Variants in LARP4B observed in about 807,000 individuals in gnomAD.
LARP4B encodes the protein la-related protein 4B.
LARP4B carries 12 observed loss-of-function variants against 89.8 expected under a neutral mutation model. That is an observed-to-expected ratio of 0.13 (90% CI 0.09 to 0.22). LARP4B has a LOEUF of 0.22. Ranked by LOEUF, LARP4B falls within the 10% of genes least tolerant of loss-of-function variation. The pLI is 1.00. For missense variants in LARP4B, 757 were observed against 947.7 expected, an observed-to-expected ratio of 0.80 and a Z score of 2.64; for synonymous variants, 367 against 363.3, an observed-to-expected ratio of 1.01 and a Z score of -0.12.
chr10:916,513 C>T (rs752089609), intron 1 of LARP4B, among the ~76,000 whole-genome samples: 15 of 152,120 alleles, frequency 9.9e-5, no homozygotes, highest in East Asian at 1.9e-4. Context: ...CTGACCAACA[C>T]GGAGAAACCC....
chr10:835,959 A>G (rs1347929139), intron 8 of LARP4B, among the ~76,000 whole-genome samples: 1 of 152,052 alleles, frequency 6.6e-6, no homozygotes, highest in African/African-American at 2.4e-5. Context: ...TTACTCCCCA[A>G]GTTACCAGTT....
intron 5 of LARP4B, among the ~76,000 whole-genome samples, chr10:852,521 T>A (rs1194126772): frequency 6.6e-6 from 1 of 152,218 alleles, no homozygotes; most frequent in African/African-American, 2.4e-5. Context: ...CCACTAACGT[T>A]ATACTTCATG....
intron 1 of LARP4B, among the ~76,000 whole-genome samples, chr10:906,208 A>G (rs1380853819): frequency 3.3e-5 from 5 of 152,230 alleles, no homozygotes. Context: ...AACCCTCTGA[A>G]TAGTACAATG....
upstream of LARP4B, among the ~76,000 whole-genome samples, chr10:932,574 A>C (rs1277862929): frequency 4.8e-5 from 1 of 20,956 alleles, no homozygotes; most frequent in Non-Finnish European, 8.7e-5. Context: ...CTCCCACCCC[A>C]CACCCGGGAC....
Position 822,146 on chromosome 10 carries a change from T to G in LARP4B, c.1485-1301A>C, listed in dbSNP as rs1832384085. ...CCGCTGCGCCAGGATTCAGAAGTAG[T>G]GGAAAGGTGGGGCTACAATGACCCA... On this transcript the variant is annotated intron_variant, in intron 13 of 17. Transcript: ENST00000316157. The surrounding 1 kb of genome is among the most constrained non-coding windows in gnomAD (Gnocchi z 4.6). Among the ~76,000 whole-genome samples the G allele has an allele frequency of 6.6e-6, 1 of 151,988 alleles. No individual in the cohort carries two copies.
At chr10:821,139 A>T (rs960926784) in intron 13 of LARP4B, among the ~76,000 whole-genome samples, 2 of 152,246 alleles carry the variant, frequency 1.3e-5, no homozygotes, top group African/African-American at 4.8e-5. Context: ...TTAAGACATG[A>T]GTACTGAACA....
At chr10:871,709 G>C (rs1835207905) in intron 3 of LARP4B, among the ~76,000 whole-genome samples, 1 of 152,084 alleles carries the variant, frequency 6.6e-6, no homozygotes, top group Non-Finnish European at 1.5e-5. Context: ...TCTTGAATTA[G>C]CGTGACCTGA....
intron 5 of LARP4B, among the ~76,000 whole-genome samples, chr10:861,939 G>A (rs1035439903): frequency 6.6e-6 from 1 of 152,080 alleles, no homozygotes; most frequent in African/African-American, 2.4e-5. Flanking sequence ...TTTTAATGAT[G>A]AGCATTCCTT....
the LARP4B span, among the ~76,000 whole-genome samples, chr10:964,549 TA>T: frequency 6.6e-6 from 1 of 152,036 alleles, no homozygotes; most frequent in East Asian, 1.9e-4. Flanking sequence ...TTGGGCTTCA[TA>T]AAAACTGGAA....
upstream of LARP4B, among the ~76,000 whole-genome samples, chr10:933,878 G>A (rs1394429874): frequency 6.6e-6 from 1 of 151,820 alleles, no homozygotes; most frequent in Admixed American, 6.6e-5. Context: ...TGTCACCCCG[G>A]CTGGAGTGCC....
chr10:818,985 T>A (rs1832204407), intron 14 of LARP4B: 1 of 152,220 alleles, frequency 6.6e-6, no homozygotes, highest in African/African-American at 2.4e-5. Flanking sequence ...TCCGCTTGCT[T>A]CTCTGCTCCA....
chr10:821,700 A>G (rs1213343485), intron 13 of LARP4B, among the ~76,000 whole-genome samples: 3 of 152,250 alleles, frequency 2.0e-5, no homozygotes, highest in African/African-American at 7.2e-5. Context: ...ATTTACAGAA[A>G]ACCAAAAACT....
At chr10:943,783 G>C in the LARP4B span, among the ~76,000 whole-genome samples, 1 of 152,056 alleles carries the variant, frequency 6.6e-6, no homozygotes, top group Non-Finnish European at 1.5e-5. Flanking sequence ...CCCGGGTCGG[G>C]AGGGCCCGGG....
chr10:973,264 C>G, the LARP4B span, among the ~76,000 whole-genome samples: 1 of 152,154 alleles, frequency 6.6e-6, no homozygotes, highest in East Asian at 1.9e-4. Context: ...AGCACAACCT[C>G]TTCCTCACAC....
chr10:986,441 T>TG, the LARP4B span: 1 of 152,100 alleles, frequency 6.6e-6, no homozygotes, highest in South Asian at 2.1e-4. Context: ...AGCCCAGAAG[T>TG]GTATGATAAA....
chr10:939,590 C>G, the LARP4B span, among the ~76,000 whole-genome samples: 1 of 152,190 alleles, frequency 6.6e-6, no homozygotes, highest in Non-Finnish European at 1.5e-5. Context: ...TTAACCTACA[C>G]AGCACCCGTC....
intron 5 of LARP4B, among the ~76,000 whole-genome samples, chr10:858,822 CA>C (rs1297677156): frequency 2.0e-5 from 3 of 152,150 alleles, no homozygotes; most frequent in African/African-American, 7.2e-5. Flanking sequence ...GCCAAAACTA[CA>C]AAGATATACC....
At chr10:864,364 C>A in intron 3 of LARP4B, 94 bp from the exon 4 acceptor site, 1 of 1,197,918 alleles carries the variant, frequency 8.3e-7, no homozygotes. Flanking sequence ...CAGATATAGG[C>A]TCCAAAGGCT....
At chr10:856,832 T>G (rs968438501) in intron 5 of LARP4B, among the ~76,000 whole-genome samples, 2 of 152,194 alleles carry the variant, frequency 1.3e-5, no homozygotes, top group African/African-American at 4.8e-5. Flanking sequence ...GGAAAGACAG[T>G]TTAACCACAG....
Sources: allele counts gnomAD v4.1 joint callset (sites outside exome capture counted in the v4.1 genomes callset), GRCh38; gene constraint gnomAD v4.1.1; non-coding constraint Gnocchi (gnomAD v3.1); transcripts MANE v1.5; gene names NCBI Gene and HGNC (gene_info 2026-07-23, HGNC 2026-07-21).